RPA3: variants seen among roughly 807,000 people sequenced by gnomAD.
RPA3 encodes the protein replication protein A3, also known as replication protein A 14 kDa subunit.
In RPA3, 24 loss-of-function variants were observed where a neutral mutation model predicts 13.7. The ratio of observed to expected loss-of-function variants is 1.75; its 90% CI spans 1.27 to 2.46. The LOEUF (loss-of-function observed/expected upper bound fraction) is 2.46. Among genes scored for constraint, RPA3 ranks in the 30% most tolerant of loss-of-function variants. The pLI is 0.00. For synonymous variants in RPA3, 59 were observed against 51.2 expected, an observed-to-expected ratio of 1.15 and a Z score of -0.65; for missense variants, 183 against 151.0, an observed-to-expected ratio of 1.21 and a Z score of -1.11.
Position 7,639,084 on chromosome 7 carries a change from C to G in RPA3, c.160G>C (p.Glu54Gln). Residue 54 changes from glutamate to glutamine, a missense_variant, in exon 6 of 8, where the codon GAG (glutamate) becomes CAG (glutamine). Physicochemically the swap from Glu to Gln is conservative, Grantham distance 29. Transcript: ENST00000223129. ...SDGEGKNGTIELMEPLDEEIS... is the reference protein window; with the variant it reads ...SDGEGKNGTIQLMEPLDEEIS... ...CTTAAACATACGGGTTCCATCAACT[C>G]GATGGTTCCATTTTTTCCTTCTCCA... The G allele has an allele frequency of 6.2e-7, 1 of 1,612,190 alleles. No individual in the cohort carries two copies. The highest frequency in any genetic ancestry group is 1.1e-5 in the South Asian group (1 of 90,556).
At chr7:7,646,242 G>C (rs1443634245) in intron 4 of RPA3, among the ~76,000 whole-genome samples, 4 of 152,164 alleles carry the variant, frequency 2.6e-5, no homozygotes, top group Non-Finnish European at 4.4e-5. Context: ...GAAAGATGGT[G>C]AATGTGGGCA....
At chr7:7,672,343 G>A (rs1563106816) in intron 4 of RPA3, among the ~76,000 whole-genome samples, 1 of 152,158 alleles carries the variant, frequency 6.6e-6, no homozygotes, top group Non-Finnish European at 1.5e-5. Context: ...TAGGAAAAGA[G>A]GGTTGTGTAT....
chr7:7,693,121 C>T (rs1780214855), intron 2 of RPA3, among the ~76,000 whole-genome samples: 1 of 151,976 alleles, frequency 6.6e-6, no homozygotes, highest in Non-Finnish European at 1.5e-5. Flanking sequence ...AAAAGGAACC[C>T]CAAAGGTATA....
chr7:7,672,459 A>G (rs1349113987), intron 4 of RPA3, among the ~76,000 whole-genome samples: 3 of 152,318 alleles, frequency 2.0e-5, no homozygotes, highest in South Asian at 2.1e-4. Flanking sequence ...GTTGGCTGCA[A>G]TTTTATAATG....
chr7:7,716,582 G>C (rs1419174358), intron 1 of RPA3, among the ~76,000 whole-genome samples: 2 of 152,200 alleles, frequency 1.3e-5, no homozygotes, highest in African/African-American at 2.4e-5. Context: ...GTCACCACGT[G>C]CACAGTAAAG....
At chr7:7,640,291 T>C (rs1241643144) in intron 5 of RPA3, 29 bp downstream of exon 5, 3 of 1,610,968 alleles carry the variant, frequency 1.9e-6, no homozygotes, top group East Asian at 4.5e-5. Flanking sequence ...GCTACGGACT[T>C]GGGAGCCCAT....
chr7:7,653,603 T>C (rs1785275880), intron 4 of RPA3, among the ~76,000 whole-genome samples: 1 of 152,242 alleles, frequency 6.6e-6, no homozygotes, highest in African/African-American at 2.4e-5. Flanking sequence ...ACATTTTTTA[T>C]TATTCACTGT....
At chr7:7,670,990 C>T (rs778277122) in intron 4 of RPA3, among the ~76,000 whole-genome samples, 10 of 152,236 alleles carry the variant, frequency 6.6e-5, no homozygotes, top group Admixed American at 2.0e-4. Flanking sequence ...TTTTCCTTTT[C>T]GGTAACTTCC....
intron 4 of RPA3, among the ~76,000 whole-genome samples, chr7:7,660,515 A>C (rs1432207711): frequency 1.3e-5 from 2 of 152,182 alleles, no homozygotes; most frequent in Non-Finnish European, 2.9e-5. Context: ...AAAATCTCTC[A>C]GCATTTGCTT....
chr7:7,699,294 A>G (rs1780399056), intron 2 of RPA3, among the ~76,000 whole-genome samples: 1 of 151,914 alleles, frequency 6.6e-6, no homozygotes, highest in Non-Finnish European at 1.5e-5. Context: ...GTTTTCATTG[A>G]CTCTTTATCC....
At chr7:7,679,503 TTA>T (rs1167072673) in intron 4 of RPA3, among the ~76,000 whole-genome samples, 1 of 6,772 alleles carries the variant, frequency 1.5e-4, no homozygotes, top group Non-Finnish European at 2.0e-4. Flanking sequence ...AAATATATAT[TTA>T]TATATTTAAT....
intron 4 of RPA3, among the ~76,000 whole-genome samples, chr7:7,666,561 T>A (rs1049490590): frequency 6.6e-6 from 1 of 152,140 alleles, no homozygotes; most frequent in Non-Finnish European, 1.5e-5. Flanking sequence ...TGGTATCTCA[T>A]TGAGATTCTA....
intron 4 of RPA3, among the ~76,000 whole-genome samples, chr7:7,653,351 C>T (rs1785270197): frequency 6.6e-6 from 1 of 152,168 alleles, no homozygotes; most frequent in Non-Finnish European, 1.5e-5. Context: ...CCTTCTTTGT[C>T]AGTGATTGAG....
chr7:7,693,145 A>T (rs1780215645), intron 2 of RPA3, among the ~76,000 whole-genome samples: 1 of 152,202 alleles, frequency 6.6e-6, no homozygotes, highest in Non-Finnish European at 1.5e-5. Flanking sequence ...ATGTCCCTGA[A>T]TTCTTGAATC....
chr7:7,656,104 A>T (rs1265602896), intron 4 of RPA3, among the ~76,000 whole-genome samples: 4 of 151,926 alleles, frequency 2.6e-5, no homozygotes, highest in Non-Finnish European at 5.9e-5. Flanking sequence ...CAAAGTACTG[A>T]GATTACAGGC....
chr7:7,680,313 T>C (rs1184031384), intron 4 of RPA3, among the ~76,000 whole-genome samples: 11 of 152,174 alleles, frequency 7.2e-5, no homozygotes, highest in Non-Finnish European at 1.3e-4. Context: ...TCCCAATGTA[T>C]ATCCTTGGCA....
chr7:7,708,736 A>G (rs532400576), intron 2 of RPA3, among the ~76,000 whole-genome samples: 1 of 152,310 alleles, frequency 6.6e-6, no homozygotes, highest in South Asian at 2.1e-4. Flanking sequence ...GAAACGAGCA[A>G]CTATGTTTAT....
intron 4 of RPA3, among the ~76,000 whole-genome samples, chr7:7,678,233 T>A (rs1301868593): frequency 6.8e-6 from 1 of 146,606 alleles, no homozygotes; most frequent in Admixed American, 7.1e-5. Context: ...TTTCTACACA[T>A]CCTTGCCAGC....
At chr7:7,716,957 A>G (rs1780925007) in intron 1 of RPA3, among the ~76,000 whole-genome samples, 1 of 151,472 alleles carries the variant, frequency 6.6e-6, no homozygotes, top group African/African-American at 2.4e-5. Flanking sequence ...CTCCTATAAA[A>G]CCAACCTCTT....
Sources: gnomAD v4.1 joint callset for allele counts (sites outside exome capture counted in the v4.1 genomes callset) on GRCh38, gnomAD v4.1.1 for gene constraint, MANE v1.5 for transcripts, NCBI Gene and HGNC (gene_info 2026-07-23, HGNC 2026-07-21) for gene names.